ITPR2: variants seen among roughly 807,000 people sequenced by gnomAD.
The protein encoded by ITPR2 is inositol 1,4,5-trisphosphate-gated calcium channel ITPR2.
ITPR2 carries 207 observed loss-of-function variants against 317.1 expected under a neutral mutation model. That is an observed-to-expected ratio of 0.65 (90% CI 0.58 to 0.73). The LOEUF is 0.73. Among genes scored for constraint, ITPR2 ranks in the 30% least tolerant of loss-of-function variants. ITPR2 has a pLI of 0.00. For synonymous variants in ITPR2, 1,156 were observed against 1,149.1 expected (o/e 1.01, Z -0.12); for missense variants, 2,613 against 3,284.0 (o/e 0.80, Z 4.99).
chr12:26,469,698 T>C (rs1192187529), intron 45 of ITPR2, among the ~76,000 whole-genome samples: 1 of 152,014 alleles, frequency 6.6e-6, no homozygotes, highest in Non-Finnish European at 1.5e-5. Context: ...ATTCCTAGTA[T>C]CTGGCACAGC....
rs545663635 is a variant in ITPR2, at chr12:26,804,936, T to C, written c.93-14709A>G. On this transcript the variant is annotated intron_variant, in intron 1 of 56. Coordinates refer to ENST00000381340, the MANE Select transcript of ITPR2 (RefSeq NM_002223.4). Reference sequence around the variant, plus strand: ...TTTTAGTAGAGACGGGGTTTTGCCATGTTGCCTAGGCTGGTCTTGAACTCC... The same window carrying C: ...TTTTAGTAGAGACGGGGTTTTGCCACGTTGCCTAGGCTGGTCTTGAACTCC... Among the ~76,000 whole-genome samples, 7 of 152,122 alleles carry C rather than the reference T, an allele frequency of 4.6e-5. 1 individual carries two copies. The highest frequency in any genetic ancestry group is 1.7e-4 in the African/African-American group (7 of 41,508).
chr12:26,700,826 T>C (rs1165762982), intron 9 of ITPR2, among the ~76,000 whole-genome samples: 2 of 152,088 alleles, frequency 1.3e-5, no homozygotes, highest in African/African-American at 4.8e-5. Context: ...AAGGACAAAG[T>C]GGATGTGAAA....
chr12:26,345,832 C>T (rs1938290641), intron 55 of ITPR2, among the ~76,000 whole-genome samples: 1 of 152,166 alleles, frequency 6.6e-6, no homozygotes, highest in South Asian at 2.1e-4. Flanking sequence ...CAGGACACCA[C>T]TTCCTCTCCA....
At chr12:26,659,363 G>T in intron 15 of ITPR2, 78 bp from the exon 16 acceptor site, 1 of 1,235,386 alleles carries the variant, frequency 8.1e-7, no homozygotes, top group Admixed American at 2.2e-5. Context: ...CAACAACATT[G>T]ATTAATTTAT....
chr12:26,377,609 A>G (rs1485668908), intron 55 of ITPR2, among the ~76,000 whole-genome samples: 2 of 152,164 alleles, frequency 1.3e-5, no homozygotes. Context: ...CTTGATTTAC[A>G]TATATTTAGC....
chr12:26,355,322 C>T (rs761381626), intron 55 of ITPR2, among the ~76,000 whole-genome samples: 3 of 152,154 alleles, frequency 2.0e-5, no homozygotes, highest in Admixed American at 6.5e-5. Flanking sequence ...TATGTAGAGA[C>T]AAGGACATTA....
At chr12:26,468,276 T>C (rs953250536) in intron 45 of ITPR2, among the ~76,000 whole-genome samples, 2 of 152,050 alleles carry the variant, frequency 1.3e-5, no homozygotes, top group Non-Finnish European at 2.9e-5. Context: ...TGAACAAAAA[T>C]AAGAAAAGTG....
Position 26,663,714 on chromosome 12 carries a change from G to T in ITPR2, c.1684C>A (p.His562Asn). The change falls in exon 15 of 57, where the codon CAC (histidine) becomes AAC (asparagine). Residue 562 changes from histidine (H) to asparagine (N), a missense_variant. Around this residue, in one of 9 missense-constraint regions of ITPR2, gnomAD observed 515 missense variants for 789.4 expected, o/e 0.65. Transcript: ENST00000381340. ...TTTTTCCGGTAATCCTGCTGCGAGT[G>T]TCTCAGGACGCGGTAACAGAGCCGC... The part of the protein sequence containing the change: ...MLRLCYRVLR[H>N]SQQDYRKNQE... 1 of 1,612,428 alleles carries T rather than the reference G, an allele frequency of 6.2e-7. No individual in the cohort carries two copies.
At chr12:26,428,660 A>C (rs750483443) in intron 48 of ITPR2, among the ~76,000 whole-genome samples, 5 of 152,204 alleles carry the variant, frequency 3.3e-5, no homozygotes, top group Non-Finnish European at 7.3e-5. Flanking sequence ...GCTAAATAAA[A>C]TTTTTAGCTA....
At chr12:26,656,193 G>C in intron 19 of ITPR2, 104 bp downstream of exon 19, 1 of 1,402,816 alleles carries the variant, frequency 7.1e-7, no homozygotes, top group Non-Finnish European at 9.8e-7. Context: ...CCCAAGACAG[G>C]ATACACAAAT....
rs533267324 is a variant in ITPR2, at chr12:26,531,115, C to G, written c.5073+19132G>C. Among the ~76,000 whole-genome samples the G allele has an allele frequency of 1.1e-4, 16 of 152,272 alleles. 1 individual carries two copies. In the South Asian group the frequency reaches 3.1e-3, roughly 30 times the overall value. On this transcript the variant is annotated intron_variant, in intron 37 of 56. Transcript: ENST00000381340. ...AAGATAAAAGATAGAGGTCTGGGAA[C>G]CAAGCAAGTCCATTTCTGTGTCTGG...
rs1951137347 is a variant in ITPR2 at position 26,832,734 on chromosome 12, G to C, written c.48C>G (p.Ser16=). The change falls in exon 1 of 57, where the codon TCC becomes TCG. Residue 16 remains serine, a synonymous_variant. Transcript: ENST00000381340. ...SSFLYIGDIV[S]LYAEGSVNGF... ...CGTTGACCGAGCCCTCCGCGTACAG[G>C]GACACGATGTCCCCTATGTAGAGGA... 6.2e-7 allele frequency: 1 copy of C among 1,601,288 alleles called. No homozygotes were observed. The highest frequency in any genetic ancestry group is 8.5e-7 in the Non-Finnish European group (1 of 1,174,772).
chr12:26,643,493 G>A (rs1947038791), intron 21 of ITPR2, among the ~76,000 whole-genome samples: 1 of 152,202 alleles, frequency 6.6e-6, no homozygotes. Flanking sequence ...GAGCTACAGA[G>A]AAAGCATGTA....
At chr12:26,697,234 T>C (rs954708282) in intron 9 of ITPR2, among the ~76,000 whole-genome samples, 3 of 152,004 alleles carry the variant, frequency 2.0e-5, no homozygotes, top group Admixed American at 1.3e-4. Context: ...AATTTAAAAA[T>C]TGAACAAAAG....
intron 45 of ITPR2, among the ~76,000 whole-genome samples, chr12:26,474,023 G>T (rs116364792): frequency 1.3e-5 from 2 of 152,298 alleles, no homozygotes; most frequent in Admixed American, 6.5e-5. Flanking sequence ...AACAATAGTG[G>T]TGTCTTTTGT....
intron 37 of ITPR2, among the ~76,000 whole-genome samples, chr12:26,507,855 C>G (rs78635253): frequency 0.14 from 20,365 of 141,302 alleles, 2,050 homozygotes; most frequent in Non-Finnish European, 0.22. Context: ...ACTCTTCTCT[C>G]TCTGTCTCTG....
At position 26,686,650 on chromosome 12, in the gene ITPR2, G is replaced by A; in HGVS notation, c.997-18C>T. On this transcript the variant is annotated intron_variant, in intron 10 of 56. Coordinates refer to ENST00000381340, the MANE Select transcript of ITPR2 (RefSeq NM_002223.4). Reference sequence around the variant, plus strand: ...CCATCTCTCTGTTGAGGAAGTACAAGTTTATTTACTTTTATCACGTTTCTT... The same window carrying A: ...CCATCTCTCTGTTGAGGAAGTACAAATTTATTTACTTTTATCACGTTTCTT... The A allele has an allele frequency of 6.3e-7, 1 of 1,588,972 alleles. No individual in the cohort carries two copies. The highest frequency in any genetic ancestry group is 8.6e-7 in the Non-Finnish European group (1 of 1,168,608).
intron 1 of ITPR2, among the ~76,000 whole-genome samples, chr12:26,822,811 AGAGGATAT>A (rs1254009261): frequency 6.6e-6 from 1 of 152,216 alleles, no homozygotes; most frequent in Non-Finnish European, 1.5e-5. Context: ...TCTTATTCTC[AGAGGATAT>A]GAACCAAGCT....
At chr12:26,404,328 G>A (rs1055258022) in intron 52 of ITPR2, among the ~76,000 whole-genome samples, 3 of 152,188 alleles carry the variant, frequency 2.0e-5, no homozygotes, top group Non-Finnish European at 4.4e-5. Context: ...TGGTTGTAGG[G>A]TGTTTTGATG....
Sources: gnomAD v4.1 joint callset for allele counts (sites outside exome capture counted in the v4.1 genomes callset) on GRCh38, gnomAD v4.1.1 for gene constraint, gnomAD v4.1.1 regional missense constraint, MANE v1.5 for transcripts, NCBI Gene and HGNC (gene_info 2026-07-23, HGNC 2026-07-21) for gene names.